MTCH1: variants seen among roughly 807,000 people sequenced by gnomAD.
MTCH1 encodes mitochondrial carrier 1, also known as mitochondrial carrier homolog 1.
In MTCH1, 23 loss-of-function variants were observed where a neutral mutation model predicts 49.3. The ratio of observed to expected loss-of-function variants is 0.47; its 90% confidence interval spans 0.34 to 0.66. MTCH1 has a LOEUF of 0.66. Ranked by LOEUF, MTCH1 falls within the 30% of genes least tolerant of loss-of-function variation. The probability of loss-of-function intolerance (pLI) is 0.01; values close to 1 mark genes in which losing one functional copy is unlikely to be tolerated. For synonymous variants in MTCH1, 229 were observed against 215.2 expected (o/e 1.06, Z -0.56); for missense variants, 397 against 532.1 (o/e 0.75, Z 2.50).
chr6:36,969,110 C>T, intron 11 of MTCH1, 136 bp from the exon 12 acceptor site: 1 of 1,444,448 alleles, frequency 6.9e-7, no homozygotes, highest in Non-Finnish European at 9.1e-7. Context: ...CCTCGGCCTA[C>T]ATCCCTGGAG....
In MTCH1 at chr6:36,975,637, G is replaced by A. The variant is rs200342013; in HGVS notation, c.761+21C>T. On this transcript the variant is annotated intron_variant, in intron 7 of 11. Transcript: ENST00000373627. ...CAGAGCCATGCCCGTGGCCAGTTAT[G>A]GGGTGTATAAACTCACGTACACGAA... 26 of 1,612,664 alleles carry A rather than the reference G, an allele frequency of 1.6e-5. No homozygotes were observed. The African/African-American group carries it at 2.1e-4, about 13-fold the overall frequency.
chr6:36,975,609 T>C, intron 7 of MTCH1, 49 bp downstream of exon 7: 1 of 1,575,004 alleles, frequency 6.3e-7, no homozygotes, highest in Non-Finnish European at 8.7e-7. Flanking sequence ...ACACACCTGT[T>C]AGCAGAGCCA....
chr6:36,975,584 T>C, intron 7 of MTCH1, 74 bp downstream of exon 7: 1 of 1,435,600 alleles, frequency 7.0e-7, no homozygotes, highest in South Asian at 1.1e-5. Flanking sequence ...GCAGCTGCGG[T>C]CTGAGAGGTT....
chr6:36,977,800 C>T lies in MTCH1; in HGVS notation c.592-109G>A. The T allele has an allele frequency of 2.0e-6, 2 of 1,011,126 alleles. No individual in the cohort carries two copies. Among genetic ancestry groups the T allele is most frequent in the Non-Finnish European group, 1.5e-6 (1 of 677,100 alleles). 62.6% of individuals were successfully genotyped at this position (1,011,126 alleles called of 1,614,324 possible). The stretch of plus-strand genomic sequence containing the variant: ...AGGGAGAAACCTGTCCCAGGGACTG[C>T]ACATGGGGTCGGTCTGCCAAGGATG... On this transcript the variant is annotated intron_variant, in intron 4 of 11. Transcript: ENST00000373627. The surrounding 1 kb of genome is among the most constrained non-coding windows in gnomAD (Gnocchi z 5.4).
At chr6:36,986,419 C>T, upstream of MTCH1, 1 of 336,736 alleles carries the variant, frequency 3.0e-6, no homozygotes, top group Non-Finnish European at 5.3e-6. Flanking sequence ...TGGCGGCAGC[C>T]GCAGGCCGGG....
rs1730406251 is a variant in MTCH1, at chr6:36,978,550, C to T, written c.468G>A (p.Leu156=). 6.2e-7 allele frequency: 1 copy of T among 1,614,192 alleles called. No homozygotes were observed. Among genetic ancestry groups the T allele is most frequent in the Non-Finnish European group, 8.5e-7 (1 of 1,180,020 alleles). The change falls in exon 3 of 12, where the codon CTG becomes CTA. Residue 156 remains leucine (L), a synonymous_variant. Coordinates refer to ENST00000373627, the MANE Select transcript of MTCH1 (RefSeq NM_001271641.2). The stretch of plus-strand genomic sequence containing the variant: ...TCACAGTAGAGAGGGCGTTGGACAT[C>T]AGCCGGGGACTCAGGCCTCGGAACA... The part of the protein sequence containing the change: ...IGLFRGLSPR[L]MSNALSTVTR...
rs565149086 is a variant in MTCH1 at position 36,977,274 on chromosome 6, C to T, written c.650-24G>A. ...GACTGAGGAAAAAAAAGAAAACACA[C>T]ACAGGTGATGTGGTGGGCCACACTT... is the stretch of plus-strand genomic sequence containing the variant. On this transcript the variant is annotated intron_variant, in intron 5 of 11. Transcript: ENST00000373627. This position sits in a 1 kb window ranked among gnomAD's most constrained non-coding sequence, Gnocchi z 5.4. The T allele has an allele frequency of 4.3e-6, 7 of 1,613,326 alleles. No individual in the cohort carries two copies. The highest frequency in any genetic ancestry group is 1.7e-4 in the Middle Eastern group (1 of 6,060).
chr6:36,970,456 C>T lies in MTCH1; in HGVS notation c.972G>A (p.Leu324=). 1 of 1,614,160 alleles carries T rather than the reference C, an allele frequency of 6.2e-7. No individual in the cohort carries two copies. The highest frequency in any genetic ancestry group is 8.5e-7 in the Non-Finnish European group (1 of 1,180,038). Residue 324 remains leucine (L), a synonymous_variant, in exon 10 of 12, where the codon CTG becomes CTA. Transcript: ENST00000373627. ...CGCCAACTAGCAGGAAGGGGTAGGT[C>T]AGCATGCTCACTGCAATCTGAAACC... is the stretch of plus-strand genomic sequence containing the variant. The part of the protein sequence containing the change: ...KFVMGIAVSM[L]TYPFLLVGDL...
rs1763707268 is a variant in MTCH1 at position 36,972,161 on chromosome 6, C to G, written c.906+491G>C. On this transcript the variant is annotated intron_variant, in intron 8 of 11. Transcript: ENST00000373627. The surrounding 1 kb of genome is among the most constrained non-coding windows in gnomAD (Gnocchi z 4.1). ...GTTCCAGCTGAGTGACTCTGGAGAGCCCAGAGCCTCTCCAGAATTTGTGAT... is the reference window on the plus strand; with the variant it reads ...GTTCCAGCTGAGTGACTCTGGAGAGGCCAGAGCCTCTCCAGAATTTGTGAT... 6.6e-6 allele frequency among the ~76,000 whole-genome samples: 1 copy of G among 152,122 alleles called. No individual in the cohort carries two copies. The highest frequency in any genetic ancestry group is 1.9e-4 in the East Asian group (1 of 5,182).
rs561761900 is a variant in MTCH1, at chr6:36,968,624, A to G, written c.*279T>C. 7.0e-5 allele frequency: 35 copies of G among 502,364 alleles called. No individual in the cohort carries two copies. Among genetic ancestry groups the G allele is most frequent in the South Asian group, 6.0e-4 (34 of 56,628 alleles). The allele number at this position is 502,364 out of a possible 1,614,324, so 31.1% of individuals were successfully genotyped here. The stretch of plus-strand genomic sequence containing the variant: ...AAGCCATTCTCTGGCCCTCTGCACA[A>G]GACAGACTCAGCAAATCTGCGAGGT... On this transcript the variant is annotated 3_prime_UTR_variant, in exon 12 of 12. Transcript: ENST00000373627.
chr6:36,981,300 C>T (rs571792153), intron 2 of MTCH1, among the ~76,000 whole-genome samples: 46 of 152,296 alleles, frequency 3.0e-4, no homozygotes, highest in African/African-American at 1.1e-3. Flanking sequence ...ATAATAGGGA[C>T]CAGTGTCCTA....
Position 36,981,508 on chromosome 6 carries a change from C to T in MTCH1, c.406+80G>A, listed in dbSNP as rs369821228. On this transcript the variant is annotated intron_variant, in intron 2 of 11. Transcript: ENST00000373627. ...CGTGCCATGCTGCGCAGTGAGTTCC[C>T]CGGGGCCAGCTGGTCCTGCTCCCCA... The T allele has an allele frequency of 7.9e-4, 1,093 of 1,377,748 alleles. 9 individuals carry two copies. In the Middle Eastern group the frequency reaches 9.8e-3, roughly 12 times the overall value. The allele number at this position is 1,377,748 out of a possible 1,614,324, so 85.3% of individuals were successfully genotyped here.
Position 36,978,052 on chromosome 6 carries a change from C to T in MTCH1, c.591+26G>A, listed in dbSNP as rs750286019. The T allele has an allele frequency of 5.0e-6, 8 of 1,584,992 alleles. No homozygotes were observed. The Admixed American group carries it at 8.3e-5, about 17-fold the overall frequency. On this transcript the variant is annotated intron_variant, in intron 4 of 11. Transcript: ENST00000373627. Reference sequence around the variant, plus strand: ...TCATCAGGCTCCCCTCCACGCACCTCTCCCTCTCCAACTCTCAACACCCAC... The same window carrying T: ...TCATCAGGCTCCCCTCCACGCACCTTTCCCTCTCCAACTCTCAACACCCAC...
chr6:36,986,193 A>C lies in MTCH1; in HGVS notation c.-20T>G. 1.1e-5 allele frequency: 16 copies of C among 1,416,066 alleles called. No homozygotes were observed. The highest frequency in any genetic ancestry group is 1.3e-5 in the Non-Finnish European group (14 of 1,093,820). 87.7% of individuals were successfully genotyped at this position (1,416,066 alleles called of 1,614,324 possible). Reference sequence around the variant, plus strand: ...TCCCATGGCGCCCGGCGGCGAGGTCACTCCCCGTCACGTGACGGGGCCACG... The same window carrying C: ...TCCCATGGCGCCCGGCGGCGAGGTCCCTCCCCGTCACGTGACGGGGCCACG... On this transcript the variant is annotated 5_prime_UTR_variant, in exon 1 of 12. Coordinates refer to ENST00000373627, the MANE Select transcript of MTCH1 (RefSeq NM_001271641.2).
At chr6:36,974,237 A>G (rs376215303) in intron 7 of MTCH1, among the ~76,000 whole-genome samples, 1 of 152,138 alleles carries the variant, frequency 6.6e-6, no homozygotes, top group African/African-American at 2.4e-5. Context: ...GTCTCACTCT[A>G]TCACCCAGGC....
At chr6:36,981,822 C>A (rs570037051) in intron 1 of MTCH1, 150 bp from the exon 2 acceptor site, 3 of 675,158 alleles carry the variant, frequency 4.4e-6, no homozygotes, top group Non-Finnish European at 7.3e-6. Flanking sequence ...TCAAAGCATA[C>A]CAGAAAGCTC....
intron 2 of MTCH1, 61 bp from the exon 3 acceptor site, chr6:36,978,672 TCA>T: frequency 6.8e-7 from 1 of 1,460,938 alleles, no homozygotes; most frequent in East Asian, 2.3e-5. Context: ...CACTCCTGGG[TCA>T]CACACACCCA....
intron 1 of MTCH1, 72 bp from the exon 2 acceptor site, chr6:36,981,744 C>T (rs1316569417): frequency 7.9e-7 from 1 of 1,266,992 alleles, no homozygotes; most frequent in Non-Finnish European, 1.1e-6. Context: ...TCTCCTCACA[C>T]CTCTTGCCCC....
In MTCH1 at chr6:36,975,702, G is replaced by A; in HGVS notation, c.717C>T (p.Ser239=). Residue 239 remains serine, a synonymous_variant, in exon 7 of 12, where the codon TCC becomes TCT. Transcript: ENST00000373627. ...REAKYSGVLS[S]IGKIFKEEGL... ...CTTCCTCTTTGAAAATCTTCCCAAT[G>A]GAGCTCAGCACACCACTGTGAAGAA... The A allele has an allele frequency of 6.2e-7, 1 of 1,614,038 alleles. No homozygotes were observed.
Sources: allele counts gnomAD v4.1 joint callset (sites outside exome capture counted in the v4.1 genomes callset), GRCh38; gene constraint gnomAD v4.1.1; non-coding constraint Gnocchi (gnomAD v3.1); transcripts MANE v1.5; gene names NCBI Gene and HGNC (gene_info 2026-07-23, HGNC 2026-07-21).